The following PIBF1 variants were observed in gnomAD, a reference collection of about 807,000 sequenced individuals.
The protein encoded by PIBF1 is progesterone-induced-blocking factor 1.
Under a neutral mutation model 112.5 loss-of-function variants are expected in PIBF1, and 90 were observed. The observed-to-expected ratio is 0.80, with a 90% CI of 0.67 to 0.95. PIBF1 has a LOEUF of 0.95. PIBF1 is among the 40% of genes least tolerant of loss of function. The probability of loss-of-function intolerance (pLI) is 0.00; values close to 1 mark genes in which losing one functional copy is unlikely to be tolerated. For synonymous variants in PIBF1, 301 were observed against 288.6 expected (o/e 1.04, Z -0.44); for missense variants, 915 against 852.3 (o/e 1.07, Z -0.92).
At chr13:72,910,394 ATAT>A (rs2040854615) in intron 12 of PIBF1, among the ~76,000 whole-genome samples, 2 of 152,062 alleles carry the variant, frequency 1.3e-5, no homozygotes, top group South Asian at 2.1e-4. Context: ...CCTCCATATC[ATAT>A]TATTGTTTTG....
At chr13:73,000,120 G>A (rs2043808491) in intron 17 of PIBF1, among the ~76,000 whole-genome samples, 1 of 152,230 alleles carries the variant, frequency 6.6e-6, no homozygotes, top group Admixed American at 6.5e-5. Flanking sequence ...TGACAGGCGG[G>A]AGAAAACAGG....
intron 11 of PIBF1, among the ~76,000 whole-genome samples, chr13:72,906,796 G>A (rs955218137): frequency 4.6e-5 from 7 of 151,636 alleles, no homozygotes; most frequent in Admixed American, 2.0e-4. Flanking sequence ...GTTTTTCTTC[G>A]TGTGGTGGTT....
At chr13:72,911,215 A>C (rs1488808703) in intron 12 of PIBF1, among the ~76,000 whole-genome samples, 1 of 152,192 alleles carries the variant, frequency 6.6e-6, no homozygotes. Context: ...ACAAATTGGA[A>C]GAATTGCACT....
chr13:72,832,666 G>C (rs1002942162), intron 8 of PIBF1, among the ~76,000 whole-genome samples: 1 of 152,154 alleles, frequency 6.6e-6, no homozygotes, highest in Non-Finnish European at 1.5e-5. Context: ...TTCCCTTTGT[G>C]CATAACCTGA....
At chr13:72,920,223 G>A (rs1395709051) in intron 13 of PIBF1, among the ~76,000 whole-genome samples, 2 of 152,128 alleles carry the variant, frequency 1.3e-5, no homozygotes, top group Admixed American at 1.3e-4. Flanking sequence ...AGCTATCTAT[G>A]TGCCTTGAAC....
intron 5 of PIBF1, among the ~76,000 whole-genome samples, chr13:72,818,678 C>CTTTTTTTTTTT (rs3077726): frequency 5.0e-5 from 4 of 80,372 alleles, no homozygotes; most frequent in East Asian, 4.1e-4. Flanking sequence ...CAGTCTTAAA[C>CTTTTTTTTTTT]TTTTTTTTTT....
chr13:72,827,610 C>A, intron 7 of PIBF1, 123 bp from the exon 8 acceptor site: 1 of 545,144 alleles, frequency 1.8e-6, no homozygotes, highest in Non-Finnish European at 3.1e-6. Flanking sequence ...TAAGAATTAG[C>A]CCTTTTTAAA....
intron 14 of PIBF1, among the ~76,000 whole-genome samples, chr13:72,945,577 G>A (rs1040845251): frequency 6.6e-6 from 1 of 152,108 alleles, no homozygotes; most frequent in African/African-American, 2.4e-5. Context: ...ATTCTGATTG[G>A]TATGAGATGG....
At chr13:72,805,013 A>C (rs1404782096) in intron 5 of PIBF1, among the ~76,000 whole-genome samples, 1 of 152,148 alleles carries the variant, frequency 6.6e-6, no homozygotes, top group Non-Finnish European at 1.5e-5. Context: ...CACTCTTGTC[A>C]CCTAGGCTGC....
chr13:72,857,707 G>A (rs1210472818), intron 10 of PIBF1, among the ~76,000 whole-genome samples: 4 of 152,108 alleles, frequency 2.6e-5, no homozygotes, highest in Admixed American at 1.3e-4. Context: ...TGGCATAGTG[G>A]CACGTGCCTG....
intron 5 of PIBF1, among the ~76,000 whole-genome samples, chr13:72,807,701 A>G (rs897227524): frequency 2.0e-5 from 3 of 152,224 alleles, no homozygotes; most frequent in South Asian, 4.1e-4. Flanking sequence ...AAGGTCTCAA[A>G]AGGTAAGTGG....
At chr13:72,799,082 G>A (rs1251114107) in intron 5 of PIBF1, among the ~76,000 whole-genome samples, 2 of 152,144 alleles carry the variant, frequency 1.3e-5, no homozygotes, top group East Asian at 3.8e-4. Context: ...AACGTTAGGT[G>A]ATATTTTGAC....
At chr13:72,797,827 G>T in intron 4 of PIBF1, 80 bp from the exon 5 acceptor site, 1 of 1,025,420 alleles carries the variant, frequency 9.8e-7, no homozygotes, top group Non-Finnish European at 1.4e-6. Context: ...CTTTATTACT[G>T]ATAAGTGAGA....
At chr13:72,892,343 G>A (rs371449681) in intron 10 of PIBF1, among the ~76,000 whole-genome samples, 1 of 152,110 alleles carries the variant, frequency 6.6e-6, no homozygotes, top group Admixed American at 6.6e-5. Context: ...TGTGTAATGT[G>A]CATTGTATGG....
chr13:72,886,930 G>A (rs549656163), intron 10 of PIBF1, among the ~76,000 whole-genome samples: 2 of 151,848 alleles, frequency 1.3e-5, no homozygotes, highest in South Asian at 2.1e-4. Context: ...TCATTGTTGC[G>A]ACATTAATGT....
chr13:72,812,439 A>G (rs577768632), intron 5 of PIBF1, among the ~76,000 whole-genome samples: 1 of 152,188 alleles, frequency 6.6e-6, no homozygotes, highest in Non-Finnish European at 1.5e-5. Context: ...TTAAAAAAAC[A>G]GTAGTCAACT....
chr13:72,923,327 C>A (rs907088326), intron 13 of PIBF1, among the ~76,000 whole-genome samples: 117 of 152,258 alleles, frequency 7.7e-4, no homozygotes, highest in Middle Eastern at 3.4e-3. Flanking sequence ...AAACCAATAA[C>A]CTGTATTTGG....
At chr13:72,938,166 A>T (rs2041922082) in intron 14 of PIBF1, among the ~76,000 whole-genome samples, 1 of 152,232 alleles carries the variant, frequency 6.6e-6, no homozygotes, top group South Asian at 2.1e-4. Context: ...GAAAGTAGCC[A>T]TTTAAGAGTT....
intron 3 of PIBF1, among the ~76,000 whole-genome samples, chr13:72,794,217 A>G (rs956836853): frequency 6.6e-6 from 1 of 152,212 alleles, no homozygotes; most frequent in African/African-American, 2.4e-5. Flanking sequence ...ATCATTTGCA[A>G]TTTAGATGTC....
Sources: allele counts gnomAD v4.1 joint callset (sites outside exome capture counted in the v4.1 genomes callset), GRCh38; gene constraint gnomAD v4.1.1; transcripts MANE v1.5; gene names NCBI Gene and HGNC (gene_info 2026-07-23, HGNC 2026-07-21).